Variants in RYR2 observed in about 807,000 individuals in gnomAD.
The protein encoded by RYR2 is cardiac muscle ryanodine receptor-calcium release channel.
RYR2 carries 227 observed loss-of-function variants against 601.1 expected under a neutral mutation model. The ratio of observed to expected loss-of-function variants is 0.38; its 90% CI spans 0.34 to 0.42. The LOEUF (loss-of-function observed/expected upper bound fraction) is 0.42. Among genes scored for constraint, RYR2 ranks in the 10% least tolerant of loss-of-function variants. The probability of loss-of-function intolerance (pLI) is 1.00; values close to 1 mark genes in which losing one functional copy is unlikely to be tolerated. For synonymous variants in RYR2, 2,223 were observed against 2,175.1 expected (o/e 1.02, Z -0.61); for missense variants, 4,646 against 6,156.5 (o/e 0.75, Z 8.21).
rs1405905259 is a variant in RYR2, at chr1:237,674,594, T to G, written c.8715-137T>G. 8.8e-6 allele frequency: 4 copies of G among 453,516 alleles called. No homozygotes were observed. The Admixed American group carries it at 1.5e-4, about 17-fold the overall frequency. 28.1% of individuals were successfully genotyped at this position (453,516 alleles called of 1,614,324 possible). A position where few individuals can be genotyped will look rare whatever the true frequency, so the allele number is the denominator to read the frequency against. ...CTTTTTCTTTGAGCTACAATAACAT[T>G]AGAAAAACTTCAAAATTTATATATA... On this transcript the variant is annotated intron_variant, in intron 59 of 104. Transcript: ENST00000366574.
At chr1:237,341,815 A>C (rs912131028) in intron 3 of RYR2, among the ~76,000 whole-genome samples, 1 of 152,068 alleles carries the variant, frequency 6.6e-6, no homozygotes, top group Non-Finnish European at 1.5e-5. Context: ...TTGCCTCTCT[A>C]TTGTGGGAGA....
chr1:237,484,252 G>A (rs535744301), intron 17 of RYR2, among the ~76,000 whole-genome samples: 10 of 152,296 alleles, frequency 6.6e-5, no homozygotes, highest in Admixed American at 6.5e-4. Context: ...TATCCTTCAT[G>A]AATAGAGAAC....
rs1574061472 is a variant in RYR2 at position 237,813,593 on chromosome 1, C to T, written c.14433+4558C>T. The stretch of plus-strand genomic sequence containing the variant: ...GAACCTCACTCTCAGTATGCATTTC[C>T]ATTACTTTTGTTAATTTTGCTTAGG... On this transcript the variant is annotated intron_variant, in intron 100 of 104. Coordinates refer to ENST00000366574, the MANE Select transcript of RYR2 (RefSeq NM_001035.3). Among the ~76,000 whole-genome samples, 4 of 152,244 alleles carry T rather than the reference C, an allele frequency of 2.6e-5. No individual in the cohort carries two copies. In the East Asian group the frequency reaches 7.8e-4, roughly 30 times the overall value.
chr1:237,643,799 A>C (rs1183768451), intron 48 of RYR2, among the ~76,000 whole-genome samples: 5 of 151,946 alleles, frequency 3.3e-5, no homozygotes, highest in Non-Finnish European at 5.9e-5. Flanking sequence ...TATTTTAAGT[A>C]GAGATGGGGT....
chr1:237,623,720 C>A (rs752531234), intron 38 of RYR2, 45 bp from the exon 39 acceptor site: 1 of 1,325,132 alleles, frequency 7.5e-7, no homozygotes, highest in Non-Finnish European at 1.1e-6. Flanking sequence ...ATTCACCTTT[C>A]TTTTCTTCCT....
At chr1:237,272,696 A>C (rs1689824751) in intron 2 of RYR2, among the ~76,000 whole-genome samples, 1 of 151,408 alleles carries the variant, frequency 6.6e-6, no homozygotes, top group Non-Finnish European at 1.5e-5. Context: ...AAGGTCAACT[A>C]GTTAAATAAA....
At position 237,707,130 on chromosome 1, in the gene RYR2, T is replaced by C. The variant is rs764355636; in HGVS notation, c.9762T>C (p.Pro3254=). The change falls in exon 68 of 105, where the codon CCT becomes CCC. Residue 3254 remains proline, a synonymous_variant. Transcript: ENST00000366574. ...TGTCTCGTTGGTGGGAGCATGGACC[T>C]GAGAACAATCCAGAACGGGCCGAGA... ...SYMSRWWEHG[P]ENNPERAEMC... is the part of the protein sequence containing the mutation. 1.2e-6 allele frequency: 2 copies of C among 1,613,834 alleles called. No individual in the cohort carries two copies. The highest frequency in any genetic ancestry group is 1.7e-6 in the Non-Finnish European group (2 of 1,179,850).
chr1:237,604,514 A>G (rs1383662804), intron 35 of RYR2, among the ~76,000 whole-genome samples: 1 of 152,226 alleles, frequency 6.6e-6, no homozygotes. Context: ...TCAAAGAACT[A>G]GAGAAGCAAG....
At chr1:237,501,869 A>G (rs1467536833) in intron 21 of RYR2, among the ~76,000 whole-genome samples, 1 of 152,166 alleles carries the variant, frequency 6.6e-6, no homozygotes, top group Admixed American at 6.5e-5. Context: ...GGACAGGTGC[A>G]GTAGTTTGCA....
At chr1:237,189,329 C>A (rs989493698) in intron 1 of RYR2, among the ~76,000 whole-genome samples, 2 of 152,176 alleles carry the variant, frequency 1.3e-5, no homozygotes, top group Non-Finnish European at 2.9e-5. Context: ...GCTGCTTCCA[C>A]CTTTTAGCTA....
Position 237,220,404 on chromosome 1 carries a change from T to C in RYR2, c.49-50093T>C, listed in dbSNP as rs200973471. ...CTCAGGCCTGACCGGTGGTGTGCTG[T>C]TGGCTGCCTTGCTTCTGAGGCTGCC... On this transcript the variant is annotated intron_variant, in intron 1 of 104. Transcript: ENST00000366574. Among the ~76,000 whole-genome samples, 5 of 152,324 alleles carry C rather than the reference T, an allele frequency of 3.3e-5. No homozygotes were observed. In the East Asian group the frequency reaches 9.7e-4, roughly 29 times the overall value.
intron 36 of RYR2, among the ~76,000 whole-genome samples, chr1:237,612,766 A>G (rs1171553861): frequency 6.6e-6 from 1 of 152,112 alleles, no homozygotes; most frequent in Non-Finnish European, 1.5e-5. Context: ...ATAATTTAAC[A>G]TTTTGGCATG....
rs563548790 is a variant in RYR2, at chr1:237,570,571, T to G, written c.3598+1252T>G. 3.9e-5 allele frequency among the ~76,000 whole-genome samples: 6 copies of G among 152,114 alleles called. No homozygotes were observed. In the East Asian group the frequency reaches 1.2e-3, roughly 30 times the overall value. On this transcript the variant is annotated intron_variant, in intron 29 of 104. Coordinates refer to ENST00000366574, the MANE Select transcript of RYR2 (RefSeq NM_001035.3). ...CCAGGCTGGTCTCGAATTGCTGACC[T>G]CAGGTGATCCACCCACCTCAGTCCT...
intron 62 of RYR2, among the ~76,000 whole-genome samples, chr1:237,684,618 C>CGAAGAAGAGGTTACATTTGGTCAGGTATT (rs1558215242): frequency 6.6e-6 from 1 of 151,978 alleles, no homozygotes; most frequent in East Asian, 1.9e-4. Context: ...AGAATCGTTT[C>CGAAGAAGAGGTTACATTTGGTCAGGTATT]GAAGAAGAGG....
intron 29 of RYR2, among the ~76,000 whole-genome samples, chr1:237,585,518 T>C (rs1674434383): frequency 6.6e-6 from 1 of 152,218 alleles, no homozygotes; most frequent in African/African-American, 2.4e-5. Context: ...GTGTGGCAGC[T>C]GAACAGTACC....
In RYR2 at chr1:237,593,515, G is replaced by A. The variant is rs757514779; in HGVS notation, c.4315G>A (p.Ala1439Thr). The A allele has an allele frequency of 1.2e-6, 2 of 1,613,794 alleles. No homozygotes were observed. The highest frequency in any genetic ancestry group is 1.7e-6 in the Non-Finnish European group (2 of 1,179,808). ...SVRIFPGQEP[A>T]NVWVGWITSD... ...GAGAATCTTTCCTGGACAAGAACCT[G>A]CTAATGTCTGGGTGGGCTGGATTAC... The change falls in exon 33 of 105, where the codon GCT becomes ACT. Residue 1439 changes from alanine (A) to threonine (T), a missense_variant. By Grantham distance (58) the Ala-to-Thr change is moderately conservative. Around this residue, in one of 17 missense-constraint regions of RYR2, gnomAD observed 1,807 missense variants for 2,088.1 expected, o/e 0.87. Transcript: ENST00000366574.
intron 1 of RYR2, among the ~76,000 whole-genome samples, chr1:237,250,652 T>C (rs375150387): frequency 9.9e-5 from 15 of 152,260 alleles, no homozygotes; most frequent in African/African-American, 2.9e-4. Context: ...AGAGAACTTA[T>C]ACATCCTTTC....
rs1238889413 is a variant in RYR2 at position 237,091,440 on chromosome 1, G to T, written c.48+48871G>T. ...TCTTTCTTTTTTTTGGGGGGGGCGGGGGGGGATAGGGTCTTGCCCCATTGC... is the reference window on the plus strand; with the variant it reads ...TCTTTCTTTTTTTTGGGGGGGGCGGTGGGGGATAGGGTCTTGCCCCATTGC... On this transcript the variant is annotated intron_variant, in intron 1 of 104. Transcript: ENST00000366574. Among the ~76,000 whole-genome samples the T allele has an allele frequency of 1.3e-4, 20 of 149,082 alleles. 1 individual carries two copies. The highest frequency in any genetic ancestry group is 8.1e-4 in the Admixed American group (12 of 14,852).
intron 29 of RYR2, among the ~76,000 whole-genome samples, chr1:237,575,520 G>A (rs1489283667): frequency 6.6e-6 from 1 of 152,036 alleles, no homozygotes; most frequent in Non-Finnish European, 1.5e-5. Flanking sequence ...ATAGAGGCCT[G>A]AGATCTCTCT....
Sources: allele counts gnomAD v4.1 joint callset (sites outside exome capture counted in the v4.1 genomes callset), GRCh38; gene constraint gnomAD v4.1.1; regional missense constraint gnomAD v4.1.1; transcripts MANE v1.5; gene names NCBI Gene and HGNC (gene_info 2026-07-23, HGNC 2026-07-21).